Variants in MEIS2 observed in about 807,000 individuals in gnomAD.
MEIS2 encodes the protein Meis homeobox 2, also known as homeobox protein Meis2.
A neutral mutation model predicts 58.6 loss-of-function variants in MEIS2; 9 were observed. The ratio of observed to expected loss-of-function variants is 0.15; its 90% CI spans 0.09 to 0.27. MEIS2 has a LOEUF of 0.27. Ranked by LOEUF, MEIS2 falls within the 10% of genes least tolerant of loss-of-function variation. The pLI is 1.00. For missense variants in MEIS2, 427 were observed against 635.0 expected (o/e 0.67, Z 3.52); for synonymous variants, 221 against 228.4 (o/e 0.97, Z 0.29).
intron 7 of MEIS2, among the ~76,000 whole-genome samples, chr15:37,044,077 T>A (rs1378260015): frequency 6.6e-6 from 1 of 152,200 alleles, no homozygotes; most frequent in East Asian, 1.9e-4. Flanking sequence ...CAATCCTTAT[T>A]TAATCTTCAC....
intron 9 of MEIS2, among the ~76,000 whole-genome samples, chr15:36,907,081 G>C (rs1595694498): frequency 1.3e-5 from 2 of 152,136 alleles, no homozygotes; most frequent in African/African-American, 4.8e-5. Flanking sequence ...GAACTTATCA[G>C]AGAGTTTTTA....
intron 6 of MEIS2, among the ~76,000 whole-genome samples, chr15:37,091,945 TA>T (rs1400446858): frequency 2.0e-5 from 3 of 152,004 alleles, no homozygotes; most frequent in Admixed American, 1.3e-4. Flanking sequence ...ACAATGAAAA[TA>T]AACACACAAA....
chr15:37,042,440 A>G lies in MEIS2; in HGVS notation c.755-5481T>C, dbSNP rs944133899. Among the ~76,000 whole-genome samples, 6 of 152,300 alleles carry G rather than the reference A, an allele frequency of 3.9e-5. No individual in the cohort carries two copies. In the East Asian group the frequency reaches 1.2e-3, roughly 29 times the overall value. On this transcript the variant is annotated intron_variant, in intron 7 of 11. Coordinates refer to ENST00000561208, the MANE Select transcript of MEIS2 (RefSeq NM_170675.5). ...CTGACATTTACCATTGAGGAAACTG[A>G]AGCCAGGAGATTAAATCCTTGCCCA...
chr15:36,975,013 G>T (rs1334455677), intron 8 of MEIS2, among the ~76,000 whole-genome samples: 1 of 152,154 alleles, frequency 6.6e-6, no homozygotes. Flanking sequence ...GCTAAGGCAA[G>T]CACCTGGGGA....
intron 8 of MEIS2, among the ~76,000 whole-genome samples, chr15:36,999,569 A>G (rs1227538025): frequency 2.0e-5 from 3 of 152,204 alleles, no homozygotes; most frequent in Non-Finnish European, 4.4e-5. Flanking sequence ...CCCATCCTGC[A>G]GGGAGTTTTC....
intron 9 of MEIS2, among the ~76,000 whole-genome samples, chr15:36,912,223 G>A (rs2057064549): frequency 6.6e-6 from 1 of 152,144 alleles, no homozygotes; most frequent in Non-Finnish European, 1.5e-5. Flanking sequence ...CAGCAACCAT[G>A]GAGTGGCTGG....
At chr15:37,067,339 C>T (rs1890088556) in intron 7 of MEIS2, among the ~76,000 whole-genome samples, 1 of 152,038 alleles carries the variant, frequency 6.6e-6, no homozygotes, top group Non-Finnish European at 1.5e-5. Context: ...TTATAACGTG[C>T]CAGGTATACA....
At chr15:36,980,032 T>C (rs889706990) in intron 8 of MEIS2, among the ~76,000 whole-genome samples, 2 of 151,792 alleles carry the variant, frequency 1.3e-5, no homozygotes, top group African/African-American at 4.8e-5. Context: ...GAAAAAGATA[T>C]GCCTTACTAA....
chr15:37,049,707 C>T (rs975343509), intron 7 of MEIS2, among the ~76,000 whole-genome samples: 3 of 151,532 alleles, frequency 2.0e-5, no homozygotes, highest in African/African-American at 4.8e-5. Context: ...ATGCTGGTCT[C>T]GAACTCCTGA....
At chr15:37,036,983 A>G in intron 7 of MEIS2, 24 bp from the exon 8 acceptor site, 4 of 1,584,882 alleles carry the variant, frequency 2.5e-6, no homozygotes, top group South Asian at 1.2e-5. Flanking sequence ...ATAAAAATAC[A>G]TTAGAGAAAA....
chr15:36,905,588 G>C (rs1329376399), intron 9 of MEIS2, among the ~76,000 whole-genome samples: 1 of 152,062 alleles, frequency 6.6e-6, no homozygotes, highest in African/African-American at 2.4e-5. Flanking sequence ...TAGGTATAAA[G>C]GAGCAGATAT....
intron 8 of MEIS2, among the ~76,000 whole-genome samples, chr15:36,994,723 G>A (rs1393044167): frequency 6.6e-6 from 1 of 152,178 alleles, no homozygotes; most frequent in Non-Finnish European, 1.5e-5. Flanking sequence ...TACTGTGCAT[G>A]TAGGTGTGCA....
chr15:37,069,655 T>A (rs561131784), intron 7 of MEIS2, among the ~76,000 whole-genome samples: 212 of 152,260 alleles, frequency 1.4e-3, no homozygotes, highest in Non-Finnish European at 2.5e-3. Flanking sequence ...CAAGAGGGAC[T>A]GTAATTCTAG....
rs899467920 is a variant in MEIS2 at position 37,008,242 on chromosome 15, A to T, written c.900+28572T>A. Among the ~76,000 whole-genome samples, 12 of 152,214 alleles carry T rather than the reference A, an allele frequency of 7.9e-5. No individual in the cohort carries two copies. The East Asian group carries it at 2.3e-3, about 29-fold the overall frequency. On this transcript the variant is annotated intron_variant, in intron 8 of 11. Transcript: ENST00000561208. ...TCTAGGACAATGAACTTGGCGTTAC[A>T]TTTTTGACTGATTTATAAATTAGTA...
At chr15:36,930,455 A>G (rs1193391059) in intron 9 of MEIS2, among the ~76,000 whole-genome samples, 1 of 152,168 alleles carries the variant, frequency 6.6e-6, no homozygotes, top group African/African-American at 2.4e-5. Flanking sequence ...ATGCACTTAA[A>G]GCTGTAAGTT....
intron 8 of MEIS2, among the ~76,000 whole-genome samples, chr15:37,030,783 G>A (rs945072760): frequency 2.0e-5 from 3 of 151,434 alleles, no homozygotes; most frequent in African/African-American, 7.3e-5. Flanking sequence ...CAGGACCACA[G>A]GCATGCACCA....
chr15:37,010,302 T>C (rs896146399), intron 8 of MEIS2, among the ~76,000 whole-genome samples: 1 of 152,162 alleles, frequency 6.6e-6, no homozygotes, highest in Admixed American at 6.5e-5. Context: ...TTAGCCAGGA[T>C]GGTCTGGATC....
intron 6 of MEIS2, among the ~76,000 whole-genome samples, chr15:37,092,063 C>G (rs536201943): frequency 1.3e-5 from 2 of 152,202 alleles, no homozygotes; most frequent in South Asian, 2.1e-4. Context: ...CTGCTGCATC[C>G]TTTTGATTTC....
At chr15:36,925,191 A>G (rs2057695841) in intron 9 of MEIS2, among the ~76,000 whole-genome samples, 1 of 152,250 alleles carries the variant, frequency 6.6e-6, no homozygotes, top group African/African-American at 2.4e-5. Flanking sequence ...GTAAAAAAGG[A>G]GAAAAAAAGA....
Sources: allele counts gnomAD v4.1 joint callset (sites outside exome capture counted in the v4.1 genomes callset), GRCh38; gene constraint gnomAD v4.1.1; transcripts MANE v1.5; gene names NCBI Gene and HGNC (gene_info 2026-07-23, HGNC 2026-07-21).